COL11A1: variants seen among roughly 807,000 people sequenced by gnomAD.
COL11A1 encodes the protein collagen type XI alpha 1 chain, also known as collagen alpha-1(XI) chain.
COL11A1 carries 74 observed loss-of-function variants against 265.2 expected under a neutral mutation model. That is an observed-to-expected ratio of 0.28 (90% confidence interval 0.23 to 0.34). The LOEUF is 0.34. COL11A1 is among the 10% of genes least tolerant of loss of function. The pLI is 1.00. For synonymous variants in COL11A1, 816 were observed against 727.6 expected (o/e 1.12, Z -1.96); for missense variants, 2,165 against 2,263.6 (o/e 0.96, Z 0.88).
rs138159864 is a variant in COL11A1 at position 103,092,225 on chromosome 1, T to C, written c.107-9253A>G. ...ACAATACTAATTTGAAATGTATAGG[T>C]CCAGTTATGTATGAATATGGTTCAA... is the stretch of plus-strand genomic sequence containing the variant. On this transcript the variant is annotated intron_variant, in intron 1 of 66. Transcript: ENST00000370096. Among the ~76,000 whole-genome samples, 352 of 152,182 alleles carry C rather than the reference T, an allele frequency of 2.3e-3. 1 individual carries two copies. Among genetic ancestry groups the C allele is most frequent in the African/African-American group, 8.3e-3 (345 of 41,556 alleles).
chr1:103,039,587 C>T (rs530129729), intron 4 of COL11A1, among the ~76,000 whole-genome samples: 18 of 151,748 alleles, frequency 1.2e-4, no homozygotes, highest in African/African-American at 2.7e-4. Flanking sequence ...AAGGCAAGAA[C>T]GCTCGGACAG....
intron 1 of COL11A1, among the ~76,000 whole-genome samples, chr1:103,104,002 TA>T (rs1299154351): frequency 2.6e-5 from 4 of 152,090 alleles, no homozygotes; most frequent in Non-Finnish European, 2.9e-5. Flanking sequence ...ATTACAAGAA[TA>T]TTTTTTATGA....
intron 4 of COL11A1, among the ~76,000 whole-genome samples, chr1:103,069,297 A>T (rs995426202): frequency 2.0e-5 from 3 of 151,864 alleles, no homozygotes; most frequent in Non-Finnish European, 4.4e-5. Flanking sequence ...CCAAGGCAAT[A>T]TAAATCATGA....
At chr1:102,987,838 A>G (rs1663733489) in intron 29 of COL11A1, 98 bp from the exon 30 acceptor site, 2 of 873,928 alleles carry the variant, frequency 2.3e-6, no homozygotes, top group East Asian at 4.9e-5. Context: ...CTGATATAAT[A>G]AACTCCATCT....
intron 41 of COL11A1, among the ~76,000 whole-genome samples, chr1:102,950,611 A>G (rs182980406): frequency 5.9e-5 from 9 of 152,108 alleles, no homozygotes; most frequent in Non-Finnish European, 1.0e-4. Flanking sequence ...TACATCTCTC[A>G]CTGTCTCTCT....
At chr1:102,962,330 T>C in intron 39 of COL11A1, 65 bp from the exon 40 acceptor site, 1 of 1,203,336 alleles carries the variant, frequency 8.3e-7, no homozygotes, top group Non-Finnish European at 1.2e-6. Context: ...CAAACAAAAT[T>C]GTGATTACCT....
intron 54 of COL11A1, among the ~76,000 whole-genome samples, chr1:102,905,140 G>T (rs1318659294): frequency 6.8e-6 from 1 of 146,276 alleles, no homozygotes; most frequent in Non-Finnish European, 1.5e-5. Flanking sequence ...ACCAAACACC[G>T]CATGTTCTCA....
At chr1:102,977,322 A>G (rs1275994813) in intron 35 of COL11A1, among the ~76,000 whole-genome samples, 1 of 152,188 alleles carries the variant, frequency 6.6e-6, no homozygotes. Flanking sequence ...TCCTGTATAG[A>G]CATTGAAAAC....
intron 36 of COL11A1, among the ~76,000 whole-genome samples, chr1:102,973,179 G>A (rs754727459): frequency 2.9e-4 from 44 of 151,988 alleles, no homozygotes; most frequent in Non-Finnish European, 5.7e-4. Context: ...ATGCTCTAAT[G>A]TTTCACTTGT....
At chr1:103,071,697 C>G (rs1410326991) in intron 4 of COL11A1, among the ~76,000 whole-genome samples, 1 of 151,112 alleles carries the variant, frequency 6.6e-6, no homozygotes, top group Non-Finnish European at 1.5e-5. Context: ...GACAGAGGGA[C>G]CCACGAGGAC....
Position 103,006,298 on chromosome 1 carries a change from C to A in COL11A1, c.1701G>T (p.Gln567His). ...DPGPQGPRGV[Q>H]GPPGPTGKPG... The stretch of plus-strand genomic sequence containing the variant: ...GTTTTCCCGTTGGACCAGGGGGACC[C>A]TGGACGCCTCGAGGGCCCTATATCA... The change falls in exon 16 of 67, where the codon CAG (glutamine) becomes CAT (histidine). Residue 567 changes from glutamine (Q) to histidine (H), a missense_variant. Transcript: ENST00000370096. The A allele has an allele frequency of 2.5e-6, 4 of 1,609,658 alleles. No homozygotes were observed. The highest frequency in any genetic ancestry group is 1.1e-5 in the South Asian group (1 of 90,622).
At chr1:102,950,702 T>C (rs1294938718) in intron 41 of COL11A1, among the ~76,000 whole-genome samples, 3 of 152,242 alleles carry the variant, frequency 2.0e-5, no homozygotes, top group Admixed American at 6.5e-5. Flanking sequence ...TCTTTTCCTA[T>C]ACTACTAAAA....
intron 1 of COL11A1, among the ~76,000 whole-genome samples, chr1:103,105,241 A>G (rs1227351996): frequency 1.3e-5 from 2 of 152,190 alleles, no homozygotes; most frequent in African/African-American, 4.8e-5. Context: ...GCCAAAGAAT[A>G]TCAATAAATC....
rs1335494349 is a variant in COL11A1, at chr1:102,912,194, C to A, written c.4051G>T (p.Gly1351Cys). 1.2e-6 allele frequency: 2 copies of A among 1,611,454 alleles called. No individual in the cohort carries two copies. Among genetic ancestry groups the A allele is most frequent in the Admixed American group, 1.7e-5 (1 of 59,614 alleles). ...GGAGGACCTGGTGGGCCAGCCTCAC[C>A]AGATGGGCCAGGAGGACCCTATAAA... is the stretch of plus-strand genomic sequence containing the variant. The part of the protein sequence containing the change: ...PGQPGPPGPS[G>C]EAGPPGPPGK... The change falls in exon 54 of 67, where the codon GGT (glycine) becomes TGT (cysteine). Residue 1351 changes from glycine to cysteine, a missense_variant. Gly to Cys is a radical substitution (Grantham distance 159, BLOSUM62 -3). Transcript: ENST00000370096.
intron 36 of COL11A1, among the ~76,000 whole-genome samples, chr1:102,970,912 G>A (rs1661910876): frequency 6.6e-6 from 1 of 152,112 alleles, no homozygotes; most frequent in African/African-American, 2.4e-5. Flanking sequence ...TACTCGGGAG[G>A]CTGAGGCAGG....
chr1:102,963,894 T>G (rs922762481), intron 38 of COL11A1, among the ~76,000 whole-genome samples: 1 of 151,938 alleles, frequency 6.6e-6, no homozygotes, highest in Non-Finnish European at 1.5e-5. Flanking sequence ...CACATAACTG[T>G]TTAAAGAAAA....
At chr1:103,049,393 T>C (rs1466639377) in intron 4 of COL11A1, among the ~76,000 whole-genome samples, 1 of 152,194 alleles carries the variant, frequency 6.6e-6, no homozygotes. Flanking sequence ...TGGTTTAAAG[T>C]CTGTTTTATC....
At chr1:102,936,644 T>C (rs1261767943) in intron 44 of COL11A1, among the ~76,000 whole-genome samples, 3 of 152,170 alleles carry the variant, frequency 2.0e-5, no homozygotes, top group Non-Finnish European at 4.4e-5. Context: ...AAGAATTGTG[T>C]CAACACTTTG....
chr1:103,073,146 A>G (rs968154030), intron 4 of COL11A1, among the ~76,000 whole-genome samples: 6 of 151,750 alleles, frequency 4.0e-5, no homozygotes, highest in African/African-American at 1.4e-4. Context: ...ACTTTTCTTA[A>G]TGTTTTAATA....
Sources: gnomAD v4.1 joint callset for allele counts (sites outside exome capture counted in the v4.1 genomes callset) on GRCh38, gnomAD v4.1.1 for gene constraint, MANE v1.5 for transcripts, NCBI Gene and HGNC (gene_info 2026-07-23, HGNC 2026-07-21) for gene names.